BTAF1: variants seen among roughly 807,000 people sequenced by gnomAD.
BTAF1 encodes B-TFIID TATA-box binding protein associated factor 1, also known as TATA-binding protein-associated factor 172.
In BTAF1, 38 loss-of-function variants were observed where a neutral mutation model predicts 227.1. That is an observed-to-expected ratio of 0.17 (90% confidence interval 0.13 to 0.22). BTAF1 has a LOEUF of 0.22. Among genes scored for constraint, BTAF1 ranks in the 10% least tolerant of loss-of-function variants. The probability of loss-of-function intolerance (pLI) is 1.00; values close to 1 mark genes in which losing one functional copy is unlikely to be tolerated. For synonymous variants in BTAF1, 742 were observed against 751.9 expected (o/e 0.99, Z 0.21); for missense variants, 1,598 against 2,204.0 (o/e 0.73, Z 5.51).
chr10:92,010,796 G>A (rs2134113801), intron 28 of BTAF1, among the ~76,000 whole-genome samples: 1 of 152,338 alleles, frequency 6.6e-6, no homozygotes, highest in East Asian at 1.9e-4. Context: ...ACAACATGGA[G>A]TGAGAAAGGA....
chr10:92,008,699 A>AT (rs1850108913), intron 26 of BTAF1, 130 bp from the exon 27 acceptor site: 1 of 865,788 alleles, frequency 1.2e-6, no homozygotes. Context: ...TTAGTGTCTT[A>AT]TACCCATTTA....
In BTAF1 at chr10:91,956,608, C is replaced by T. The variant is rs750367374; in HGVS notation, c.782C>T (p.Ser261Phe). 2.5e-6 allele frequency: 4 copies of T among 1,608,954 alleles called. No individual in the cohort carries two copies. Among genetic ancestry groups the T allele is most frequent in the Non-Finnish European group, 3.4e-6 (4 of 1,178,270 alleles). Residue 261 changes from serine (S) to phenylalanine (F), a missense_variant, in exon 7 of 38, where the codon TCC (serine) becomes TTC (phenylalanine). By Grantham distance (155) the Ser-to-Phe change is radical. Around this residue, in one of 10 missense-constraint regions of BTAF1, gnomAD observed 298 missense variants for 395.2 expected, o/e 0.75. Transcript: ENST00000265990. ...NVVINQSAND[S>F]KVLIDNIPDS... is the part of the protein sequence containing the mutation. ...GTTATTAATCAGTCTGCAAATGATT[C>T]CAAAGTCTTGATTGATAATATTCCA...
intron 19 of BTAF1, among the ~76,000 whole-genome samples, chr10:91,984,631 C>T (rs1848277478): frequency 1.3e-5 from 2 of 152,074 alleles, no homozygotes; most frequent in Non-Finnish European, 2.9e-5. Context: ...TAAATCAATG[C>T]ACCTTTATTA....
rs948692894 is a variant in BTAF1 at position 92,019,035 on chromosome 10, T to G, written c.4863+100T>G. ...AAAGATTACTACTGTGTTTACCATT[T>G]ATTTTTAAATTTGGTTAAATTTTTG... is the stretch of plus-strand genomic sequence containing the variant. On this transcript the variant is annotated intron_variant, in intron 34 of 37. Transcript: ENST00000265990. 3 of 1,230,726 alleles carry G rather than the reference T, an allele frequency of 2.4e-6. No individual in the cohort carries two copies. In the Admixed American group the frequency reaches 8.6e-5, roughly 35 times the overall value. The allele number at this position is 1,230,726 out of a possible 1,614,324, so 76.2% of individuals were successfully genotyped here.
chr10:91,956,764 C>A lies in BTAF1; in HGVS notation c.831+107C>A. 4.9e-6 allele frequency: 6 copies of A among 1,227,624 alleles called. No individual in the cohort carries two copies. In the South Asian group the frequency reaches 7.2e-5, roughly 15 times the overall value. 76.0% of individuals were successfully genotyped at this position (1,227,624 alleles called of 1,614,324 possible). Reference sequence around the variant, plus strand: ...CAGCACTTTGGGAGGTCGAGGCGGGCGTTATCACGAGGTCAGGAGCTTGAG... The same window carrying A: ...CAGCACTTTGGGAGGTCGAGGCGGGAGTTATCACGAGGTCAGGAGCTTGAG... On this transcript the variant is annotated intron_variant, in intron 7 of 37. Coordinates refer to ENST00000265990, the MANE Select transcript of BTAF1 (RefSeq NM_003972.3).
chr10:91,936,126 T>C lies in BTAF1; in HGVS notation c.138+346T>C, dbSNP rs1282323697. 2.6e-5 allele frequency among the ~76,000 whole-genome samples: 4 copies of C among 152,182 alleles called. No individual in the cohort carries two copies. The South Asian group carries it at 8.3e-4, about 31-fold the overall frequency. ...ATGGATGAGTACTCATGGGCAATGATTGAAATACATGAGAAGCTGGAGTCT... is the reference window on the plus strand; with the variant it reads ...ATGGATGAGTACTCATGGGCAATGACTGAAATACATGAGAAGCTGGAGTCT... On this transcript the variant is annotated intron_variant, in intron 2 of 37. Transcript: ENST00000265990.
intron 14 of BTAF1, among the ~76,000 whole-genome samples, chr10:91,978,950 C>G (rs561834091): frequency 6.6e-6 from 1 of 150,438 alleles, no homozygotes; most frequent in Non-Finnish European, 1.5e-5. Context: ...GCTTAATAAC[C>G]AGTAGTTATT....
intron 4 of BTAF1, among the ~76,000 whole-genome samples, chr10:91,947,381 G>T (rs1163337098): frequency 6.6e-6 from 1 of 151,486 alleles, no homozygotes. Flanking sequence ...AGTTTTTTTT[G>T]TATATGTTTT....
chr10:91,997,306 TG>T, intron 24 of BTAF1: 4 of 540,214 alleles, frequency 7.4e-6, no homozygotes, highest in Non-Finnish European at 1.2e-5. Flanking sequence ...TCCAGACGCT[TG>T]TAGCAATTTC....
intron 1 of BTAF1, among the ~76,000 whole-genome samples, chr10:91,925,315 C>T (rs1427490446): frequency 2.0e-5 from 3 of 152,168 alleles, no homozygotes; most frequent in African/African-American, 7.2e-5. Flanking sequence ...TTTGTTACCT[C>T]CCATATAAAT....
intron 14 of BTAF1, among the ~76,000 whole-genome samples, chr10:91,976,297 C>T (rs1847685739): frequency 6.6e-6 from 1 of 152,186 alleles, no homozygotes; most frequent in Non-Finnish European, 1.5e-5. Context: ...TCTGTGCACT[C>T]ACCAACCCAT....
chr10:91,950,822 A>G (rs960204769), intron 4 of BTAF1, among the ~76,000 whole-genome samples: 1 of 143,218 alleles, frequency 7.0e-6, no homozygotes. Flanking sequence ...ATTTGTTTCC[A>G]TAGAGATGTA....
chr10:92,028,743 G>A (rs1222963653), intron 37 of BTAF1, 47 bp from the exon 38 acceptor site: 3 of 1,524,356 alleles, frequency 2.0e-6, no homozygotes, highest in Middle Eastern at 1.7e-4. Context: ...AATTTGTGAA[G>A]TTAACCTCTC....
At chr10:92,015,802 C>T (rs1292192797) in intron 32 of BTAF1, among the ~76,000 whole-genome samples, 1 of 152,110 alleles carries the variant, frequency 6.6e-6, no homozygotes, top group Non-Finnish European at 1.5e-5. Flanking sequence ...TTTTCTTTCA[C>T]ATTATTTTAG....
At position 92,024,653 on chromosome 10, in the gene BTAF1, G is replaced by C. The variant is rs1387243045; in HGVS notation, c.4864-103G>C. Reference sequence around the variant, plus strand: ...GTGCTAATCTGCTTTCCAGATTTCAGGTACATTTAACCTTTTCTTGCCACA... The same window carrying C: ...GTGCTAATCTGCTTTCCAGATTTCACGTACATTTAACCTTTTCTTGCCACA... On this transcript the variant is annotated intron_variant, in intron 34 of 37. Coordinates refer to ENST00000265990, the MANE Select transcript of BTAF1 (RefSeq NM_003972.3). The C allele has an allele frequency of 4.1e-6, 4 of 974,948 alleles. No homozygotes were observed. In the East Asian group the frequency reaches 1.0e-4, roughly 25 times the overall value. 60.4% of individuals were successfully genotyped at this position (974,948 alleles called of 1,614,324 possible). A position where few individuals can be genotyped will look rare whatever the true frequency, so the allele number is the denominator to read the frequency against.
At chr10:91,987,423 C>T (rs1009547070) in intron 19 of BTAF1, among the ~76,000 whole-genome samples, 1 of 151,976 alleles carries the variant, frequency 6.6e-6, no homozygotes, top group African/African-American at 2.4e-5. Context: ...GCGGAGCTTG[C>T]AGTGAACCAA....
chr10:92,009,010 G>T (rs1381875355), intron 27 of BTAF1, 31 bp from the exon 28 acceptor site: 4 of 1,612,254 alleles, frequency 2.5e-6, no homozygotes, highest in Non-Finnish European at 3.4e-6. Flanking sequence ...TAAACAAGCT[G>T]GTTAATTTAT....
Position 91,992,122 on chromosome 10 carries a change from C to T in BTAF1, c.2858C>T (p.Ser953Phe). 1 of 1,560,274 alleles carries T rather than the reference C, an allele frequency of 6.4e-7. No individual in the cohort carries two copies. Among genetic ancestry groups the T allele is most frequent in the South Asian group, 1.2e-5 (1 of 82,336 alleles). Residue 953 changes from serine to phenylalanine, a missense_variant, in exon 21 of 38, where the codon TCC (serine) becomes TTC (phenylalanine). Ser to Phe is a radical substitution (Grantham distance 155). Transcript: ENST00000265990. ...TQSGQENSKG[S>F]TSEKDGMHHT... ...TGTTTAACTTTTTTCTTATTAGGAT[C>T]CACCTCAGAAAAAGATGGAATGCAC...
chr10:91,986,235 G>T (rs1848385777), intron 19 of BTAF1, among the ~76,000 whole-genome samples: 1 of 151,934 alleles, frequency 6.6e-6, no homozygotes, highest in African/African-American at 2.4e-5. Flanking sequence ...GATTGTTCTG[G>T]CACCTTTGTC....
Sources: allele counts gnomAD v4.1 joint callset (sites outside exome capture counted in the v4.1 genomes callset), GRCh38; gene constraint gnomAD v4.1.1; regional missense constraint gnomAD v4.1.1; transcripts MANE v1.5; gene names NCBI Gene and HGNC (gene_info 2026-07-23, HGNC 2026-07-21).